IREB2: variants seen among roughly 807,000 people sequenced by gnomAD.
The protein encoded by IREB2 is iron-responsive element-binding protein 2.
Under a neutral mutation model 118.8 loss-of-function variants are expected in IREB2, and 39 were observed. The ratio of observed to expected loss-of-function variants is 0.33; its 90% confidence interval spans 0.25 to 0.43. The LOEUF is 0.43. IREB2 is among the 20% of genes least tolerant of loss of function. IREB2 has a pLI of 1.00. For missense variants in IREB2, 900 were observed against 1,147.3 expected (o/e 0.78, Z 3.11); for synonymous variants, 372 against 392.2 (o/e 0.95, Z 0.61).
At chr15:78,452,295 G>C (rs1398020758) in intron 2 of IREB2, among the ~76,000 whole-genome samples, 2 of 152,142 alleles carry the variant, frequency 1.3e-5, no homozygotes, top group Non-Finnish European at 2.9e-5. Context: ...GGGCAGAGGG[G>C]AAATCACTGA....
At chr15:78,448,485 A>AATTT (rs375450571) in intron 2 of IREB2, among the ~76,000 whole-genome samples, 1 of 152,110 alleles carries the variant, frequency 6.6e-6, no homozygotes, top group African/African-American at 2.4e-5. Context: ...AAAAGGTCAG[A>AATTT]ATTTATTTAT....
At position 78,488,652 on chromosome 15, in the gene IREB2, G is replaced by C. The variant is rs1233945672; in HGVS notation, c.1957G>C (p.Asp653His). Residue 653 changes from aspartate to histidine, a missense_variant, in exon 16 of 22, where the codon GAC (aspartate) becomes CAC (histidine). By Grantham distance (81) the Asp-to-His change is moderately conservative. Coordinates refer to ENST00000258886, the MANE Select transcript of IREB2 (RefSeq NM_004136.4). The part of the protein sequence containing the change: ...IDFQTEPLGT[D>H]PTGKNIYLHD... ...TGTTCAAAAATTTTAACCAGGTACT[G>C]ACCCCACCGGCAAGAACATTTACCT... is the stretch of plus-strand genomic sequence containing the variant. The C allele has an allele frequency of 1.2e-6, 2 of 1,606,342 alleles. No homozygotes were observed. Among genetic ancestry groups the C allele is most frequent in the African/African-American group, 1.3e-5 (1 of 74,344 alleles).
chr15:78,452,933 G>A (rs539369576), intron 2 of IREB2, among the ~76,000 whole-genome samples: 1 of 152,254 alleles, frequency 6.6e-6, no homozygotes, highest in African/African-American at 2.4e-5. Flanking sequence ...GGTTTCCCAA[G>A]CTCTAGTTTC....
At chr15:78,444,756 C>CT (rs1377715271) in intron 2 of IREB2, among the ~76,000 whole-genome samples, 2 of 152,006 alleles carry the variant, frequency 1.3e-5, no homozygotes, top group African/African-American at 4.8e-5. Context: ...TTTTGTAACC[C>CT]TTTTTTTCAC....
intron 9 of IREB2, 99 bp from the exon 10 acceptor site, chr15:78,478,198 C>T (rs770260648): frequency 2.3e-5 from 17 of 755,502 alleles, no homozygotes; most frequent in Non-Finnish European, 3.4e-5. Flanking sequence ...TGCAGCACTG[C>T]GCTCCAGCCT....
At chr15:78,450,900 C>G (rs1314712334) in intron 2 of IREB2, among the ~76,000 whole-genome samples, 2 of 148,684 alleles carry the variant, frequency 1.3e-5, no homozygotes, top group Non-Finnish European at 3.0e-5. Context: ...TAATGGTGTC[C>G]ACCTTTGGAA....
At chr15:78,438,782 A>G in intron 1 of IREB2, 2 of 244,506 alleles carry the variant, frequency 8.2e-6, no homozygotes, top group Non-Finnish European at 1.6e-5. Flanking sequence ...TGTTGATTCC[A>G]CGGTCCAGCC....
At chr15:78,438,540 C>T in intron 1 of IREB2, 184 bp downstream of exon 1, 1 of 645,178 alleles carries the variant, frequency 1.5e-6, no homozygotes, top group Admixed American at 2.7e-5. Context: ...GAAGCTGGGG[C>T]TCCCGATCCC....
intron 20 of IREB2, among the ~76,000 whole-genome samples, chr15:78,496,078 T>C (rs2051833043): frequency 1.3e-5 from 2 of 152,208 alleles, no homozygotes; most frequent in Admixed American, 6.5e-5. Flanking sequence ...CTCAATCCTT[T>C]TCCTGGGTCT....
At chr15:78,466,123 G>T (rs1412159003) in intron 4 of IREB2, 148 bp from the exon 5 acceptor site, 8 of 494,374 alleles carry the variant, frequency 1.6e-5, no homozygotes, top group African/African-American at 1.6e-4. Context: ...TCTGAGATTT[G>T]CCTTTGAAAC....
At chr15:78,463,147 A>G (rs2051224814) in intron 3 of IREB2, 60 bp downstream of exon 3, 7 of 1,403,084 alleles carry the variant, frequency 5.0e-6, no homozygotes, top group Non-Finnish European at 6.8e-6. Flanking sequence ...TTTTTAAAAT[A>G]CAGACTCTTG....
In IREB2 at chr15:78,488,304, C is replaced by T. The variant is rs774256412; in HGVS notation, c.1919C>T (p.Thr640Ile). The change falls in exon 15 of 22, where the codon ACA becomes ATA. Residue 640 changes from threonine to isoleucine, a missense_variant. Physicochemically the swap from Thr to Ile is moderately conservative, Grantham distance 89. Transcript: ENST00000258886. ...PLVVAYAIAG[T>I]VNIDFQTEPL... Reference sequence around the variant, plus strand: ...GTGGTAGCTTATGCCATAGCAGGCACAGTGAATATAGATTTCCAGACAGAA... The same window carrying T: ...GTGGTAGCTTATGCCATAGCAGGCATAGTGAATATAGATTTCCAGACAGAA... The T allele has an allele frequency of 6.2e-7, 1 of 1,606,046 alleles. No individual in the cohort carries two copies. Among genetic ancestry groups the T allele is most frequent in the East Asian group, 2.3e-5 (1 of 44,346 alleles).
At chr15:78,439,991 G>T (rs973677013) in intron 2 of IREB2, 110 bp downstream of exon 2, 5 of 702,606 alleles carry the variant, frequency 7.1e-6, no homozygotes, top group Non-Finnish European at 1.2e-5. Flanking sequence ...ATTGTAACAG[G>T]TACACCTACA....
At chr15:78,478,097 AAATT>A (rs1221820482) in intron 9 of IREB2, among the ~76,000 whole-genome samples, 196 bp from the exon 10 acceptor site, 1 of 151,846 alleles carries the variant, frequency 6.6e-6, no homozygotes, top group East Asian at 1.9e-4. Context: ...AAAAAAAAAA[AAATT>A]AACCAGGCAC....
At chr15:78,481,929 C>T (rs8042238) in intron 10 of IREB2, 77,003 of 152,134 alleles carry the variant, frequency 0.51, 20,898 homozygotes, top group Non-Finnish European at 0.62. Flanking sequence ...AGACTAGGAT[C>T]GCCTGAATCC....
intron 18 of IREB2, among the ~76,000 whole-genome samples, chr15:78,492,601 T>G (rs1409328812): frequency 5.9e-5 from 9 of 152,188 alleles, no homozygotes; most frequent in Admixed American, 5.9e-4. Context: ...GGTCTCACTC[T>G]TGCCTGGGCT....
chr15:78,469,211 T>G (rs1301775486), intron 5 of IREB2, among the ~76,000 whole-genome samples: 1 of 152,148 alleles, frequency 6.6e-6, no homozygotes, highest in African/African-American at 2.4e-5. Flanking sequence ...AGCATAACCT[T>G]TGGCACTTCA....
chr15:78,455,611 A>T (rs1342148911), intron 2 of IREB2, among the ~76,000 whole-genome samples: 1 of 151,850 alleles, frequency 6.6e-6, no homozygotes, highest in Non-Finnish European at 1.5e-5. Flanking sequence ...GCATATGTCC[A>T]TTTTTCACAT....
chr15:78,470,233 CGGA>C (rs2051352754), intron 5 of IREB2, among the ~76,000 whole-genome samples: 1 of 152,178 alleles, frequency 6.6e-6, no homozygotes, highest in South Asian at 2.1e-4. Context: ...TTTCTTGCAG[CGGA>C]TAACCCAACA....
Sources: gnomAD v4.1 joint callset for allele counts (sites outside exome capture counted in the v4.1 genomes callset) on GRCh38, gnomAD v4.1.1 for gene constraint, MANE v1.5 for transcripts, NCBI Gene and HGNC (gene_info 2026-07-23, HGNC 2026-07-21) for gene names.